SRGAP2B: variants seen among roughly 807,000 people sequenced by gnomAD.
SRGAP2B encodes SLIT-ROBO Rho GTPase activating protein 2B, also known as SLIT-ROBO Rho GTPase-activating protein 2B.
In SRGAP2B, 9 loss-of-function variants were observed where a neutral mutation model predicts 22.2. That is an observed-to-expected ratio of 0.41 (90% CI 0.24 to 0.71). The LOEUF is 0.71. Among genes scored for constraint, SRGAP2B ranks in the 30% least tolerant of loss-of-function variants. The pLI is 0.35. For missense variants in SRGAP2B, 114 were observed against 235.8 expected, an observed-to-expected ratio of 0.48 and a Z score of 3.38; for synonymous variants, 36 against 87.4, an observed-to-expected ratio of 0.41 and a Z score of 3.28.
intron 2 of SRGAP2B, among the ~76,000 whole-genome samples, chr1:145,023,061 A>G (rs1553624386): frequency 6.7e-6 from 1 of 149,530 alleles, no homozygotes; most frequent in East Asian, 1.9e-4. Context: ...GCTACTTGGG[A>G]GGCTGAGGCA....
intron 4 of SRGAP2B, among the ~76,000 whole-genome samples, chr1:144,954,693 G>T (rs1337918517): frequency 1.3e-5 from 2 of 150,770 alleles, no homozygotes; most frequent in African/African-American, 5.0e-5. Context: ...CAAGAGGCTG[G>T]TTCCATCGTT....
At chr1:144,934,519 G>A (rs1298736211) in intron 4 of SRGAP2B, among the ~76,000 whole-genome samples, 26 of 146,016 alleles carry the variant, frequency 1.8e-4, no homozygotes, top group African/African-American at 6.8e-4. Flanking sequence ...TAAATCTATA[G>A]CACAAAATGT....
chr1:144,937,132 CTCTT>C (rs1553606572), intron 4 of SRGAP2B, among the ~76,000 whole-genome samples: 2 of 145,544 alleles, frequency 1.4e-5, no homozygotes, highest in Admixed American at 6.8e-5. Flanking sequence ...TTTTTTGTGA[CTCTT>C]TCAAGAATTT....
At chr1:144,888,987 C>G (rs1157187022) in exon 10 of SRGAP2B, 2 of 143,918 alleles carry the variant, frequency 1.4e-5, no homozygotes, top group Non-Finnish European at 3.0e-5. Context: ...CAGAGTCTTA[C>G]TCTGTCACCC....
intron 3 of SRGAP2B, among the ~76,000 whole-genome samples, chr1:144,958,865 A>AATGAGCAACCCTCACTGAC (rs1667470218): frequency 6.7e-6 from 1 of 148,512 alleles, no homozygotes; most frequent in South Asian, 2.1e-4. Context: ...CATCCATTCA[A>AATGAGCAACCCTCACTGAC]ATGAGCAACC....
chr1:145,065,308 G>A (rs1185097655), intron 2 of SRGAP2B, among the ~76,000 whole-genome samples: 7 of 150,654 alleles, frequency 4.6e-5, no homozygotes, highest in Non-Finnish European at 7.4e-5. Context: ...CTGCAACTAG[G>A]CAGCAGAGAG....
chr1:144,908,306 C>T (rs1663136351), intron 5 of SRGAP2B, among the ~76,000 whole-genome samples: 1 of 150,304 alleles, frequency 6.7e-6, no homozygotes, highest in Non-Finnish European at 1.5e-5. Flanking sequence ...CAAAGAATAG[C>T]ACTACCAAGT....
intron 7 of SRGAP2B, among the ~76,000 whole-genome samples, chr1:144,904,222 C>A (rs1428867878): frequency 6.0e-5 from 9 of 149,724 alleles, no homozygotes; most frequent in Non-Finnish European, 1.0e-4. Flanking sequence ...CCTTGAGCTT[C>A]CTTATCTAGC....
At chr1:144,999,080 C>T (rs1222500432) in intron 2 of SRGAP2B, among the ~76,000 whole-genome samples, 57 of 150,826 alleles carry the variant, frequency 3.8e-4, no homozygotes, top group Non-Finnish European at 7.8e-4. Flanking sequence ...CATGCATGTG[C>T]ACATCATGTG....
intron 4 of SRGAP2B, among the ~76,000 whole-genome samples, chr1:144,950,783 T>C (rs1666796628): frequency 1.3e-5 from 2 of 150,880 alleles, no homozygotes; most frequent in South Asian, 4.2e-4. Context: ...GATGAAAATG[T>C]TGGATTCTAG....
chr1:145,002,208 T>C (rs1356170921), intron 2 of SRGAP2B, among the ~76,000 whole-genome samples: 1 of 64,396 alleles, frequency 1.6e-5, no homozygotes, highest in Non-Finnish European at 2.9e-5. Context: ...GGCTGGGAGA[T>C]GGAAGACCTG....
intron 2 of SRGAP2B, among the ~76,000 whole-genome samples, chr1:145,076,346 A>G (rs587689589): frequency 2.0e-5 from 3 of 149,954 alleles, no homozygotes; most frequent in African/African-American, 7.5e-5. Flanking sequence ...TTTCTAAAAA[A>G]TACCTGTATA....
At chr1:144,984,574 A>C (rs2102079583) in intron 3 of SRGAP2B, among the ~76,000 whole-genome samples, 1 of 150,102 alleles carries the variant, frequency 6.7e-6, no homozygotes, top group East Asian at 2.0e-4. Context: ...AAGCTCTAGG[A>C]GTACAGGGGT....
chr1:145,056,787 A>G, intron 2 of SRGAP2B, among the ~76,000 whole-genome samples: 1 of 52,706 alleles, frequency 1.9e-5, no homozygotes, highest in African/African-American at 6.9e-5. Flanking sequence ...GGAGATGGGC[A>G]CTATGCCCTC....
chr1:145,089,038 T>A (rs1653714958), intron 2 of SRGAP2B, among the ~76,000 whole-genome samples: 2 of 151,428 alleles, frequency 1.3e-5, no homozygotes, highest in South Asian at 4.2e-4. Context: ...AATCTAGAGA[T>A]GATTTAAAGT....
chr1:144,990,903 C>A (rs1450227935), intron 3 of SRGAP2B, among the ~76,000 whole-genome samples: 1 of 151,306 alleles, frequency 6.6e-6, no homozygotes, highest in African/African-American at 2.5e-5. Flanking sequence ...GGGCTCGGGA[C>A]CTGCAGCCCG....
At chr1:144,887,643 AAG>A (rs1201381270) in exon 10 of SRGAP2B, 4 of 31,518 alleles carry the variant, frequency 1.3e-4, no homozygotes, top group Admixed American at 3.9e-4. Context: ...GAAAGGGAGA[AAG>A]AGAGACAGCG....
intron 3 of SRGAP2B, among the ~76,000 whole-genome samples, chr1:144,979,959 G>A (rs1553614837): frequency 6.6e-6 from 1 of 150,736 alleles, no homozygotes; most frequent in Non-Finnish European, 1.5e-5. Flanking sequence ...GTATTTGTAT[G>A]CACATGTATC....
intron 2 of SRGAP2B, among the ~76,000 whole-genome samples, chr1:145,044,650 T>TAAAA (rs1184404731): frequency 1.3e-4 from 4 of 30,684 alleles, no homozygotes; most frequent in Admixed American, 5.1e-4. Context: ...AACCCCCTCC[T>TAAAA]AAAAAAAAAA....
Sources: allele counts gnomAD v4.1 joint callset (sites outside exome capture counted in the v4.1 genomes callset), GRCh38; gene constraint gnomAD v4.1.1; transcripts MANE v1.5; gene names NCBI Gene and HGNC (gene_info 2026-07-23, HGNC 2026-07-21).